The following EFCAB5 variants were observed in gnomAD, a reference collection of about 807,000 sequenced individuals.
The protein encoded by EFCAB5 is EF-hand calcium binding domain 5, also known as EF-hand calcium-binding domain-containing protein 5.
Under a neutral mutation model 167.9 loss-of-function variants are expected in EFCAB5, and 131 were observed. The observed-to-expected ratio is 0.78, with a 90% CI of 0.68 to 0.90. The LOEUF is 0.90. EFCAB5 is among the 40% of genes least tolerant of loss of function. EFCAB5 has a pLI of 0.00. For synonymous variants in EFCAB5, 574 were observed against 602.8 expected, an observed-to-expected ratio of 0.95 and a Z score of 0.70; for missense variants, 1,663 against 1,745.2, an observed-to-expected ratio of 0.95 and a Z score of 0.84.
chr17:30,048,176 T>G (rs1467540637), intron 8 of EFCAB5, among the ~76,000 whole-genome samples: 1 of 152,186 alleles, frequency 6.6e-6, no homozygotes, highest in African/African-American at 2.4e-5. Flanking sequence ...TCTGTGGACT[T>G]AGCTATGGTT....
chr17:30,083,070 C>T (rs1430646926), intron 18 of EFCAB5, 27 bp downstream of exon 18: 25 of 1,609,700 alleles, frequency 1.6e-5, no homozygotes, highest in Non-Finnish European at 2.0e-5. Context: ...AGTGGTAGAT[C>T]TCTCCAAGGT....
chr17:30,014,601 T>C (rs891963483), intron 7 of EFCAB5, among the ~76,000 whole-genome samples: 2 of 152,220 alleles, frequency 1.3e-5, no homozygotes, highest in Non-Finnish European at 2.9e-5. Flanking sequence ...AAGTCTGTTT[T>C]ATCAGAAAGT....
intron 14 of EFCAB5, chr17:30,073,713 T>A: frequency 1.4e-6 from 1 of 714,068 alleles, no homozygotes; most frequent in South Asian, 1.5e-5. Context: ...AAATTTTAAG[T>A]GTATATTTGC....
chr17:29,949,573 A>G (rs1292973506), intron 3 of EFCAB5, among the ~76,000 whole-genome samples: 1 of 152,252 alleles, frequency 6.6e-6, no homozygotes, highest in Non-Finnish European at 1.5e-5. Context: ...CTGCTAAAAA[A>G]TCCAGTACAT....
At chr17:29,983,175 CT>C (rs1469517952) in intron 4 of EFCAB5, among the ~76,000 whole-genome samples, 2 of 152,198 alleles carry the variant, frequency 1.3e-5, no homozygotes, top group African/African-American at 2.4e-5. Flanking sequence ...AATGATATCC[CT>C]TTACTTTCAG....
intron 3 of EFCAB5, among the ~76,000 whole-genome samples, chr17:29,944,076 T>G (rs1380594012): frequency 6.6e-6 from 1 of 152,164 alleles, no homozygotes; most frequent in Non-Finnish European, 1.5e-5. Context: ...AGGGGATATT[T>G]TATTTTATTT....
At chr17:30,090,232 A>C in intron 19 of EFCAB5, 189 bp from the exon 20 acceptor site, 1 of 722,840 alleles carries the variant, frequency 1.4e-6, no homozygotes, top group Admixed American at 3.2e-5. Context: ...GTTTGAGCAG[A>C]GACATGAGTG....
chr17:30,081,207 T>C (rs1355916005), intron 17 of EFCAB5, among the ~76,000 whole-genome samples: 4 of 152,196 alleles, frequency 2.6e-5, no homozygotes, highest in South Asian at 2.1e-4. Flanking sequence ...GCCTCATGTG[T>C]CCCATAGCAT....
intron 4 of EFCAB5, among the ~76,000 whole-genome samples, chr17:29,983,739 C>T (rs968462824): frequency 6.6e-6 from 1 of 151,994 alleles, no homozygotes; most frequent in South Asian, 2.1e-4. Flanking sequence ...TTATTAATTC[C>T]CTGAATGGGT....
chr17:30,054,698 A>G (rs1481012552), intron 10 of EFCAB5, among the ~76,000 whole-genome samples: 1 of 152,200 alleles, frequency 6.6e-6, no homozygotes, highest in Admixed American at 6.5e-5. Flanking sequence ...ACCACAATCA[A>G]CCACAGTCAG....
chr17:30,097,391 G>A (rs988585895), intron 22 of EFCAB5, among the ~76,000 whole-genome samples: 1 of 152,110 alleles, frequency 6.6e-6, no homozygotes, highest in African/African-American at 2.4e-5. Context: ...AGGTCACATA[G>A]AACTAAAAGC....
At chr17:29,968,333 C>T (rs9910805) in intron 3 of EFCAB5, 24,342 of 453,998 alleles carry the variant, frequency 0.054, 1,997 homozygotes, top group African/African-American at 0.27. Context: ...AGCGATTGGT[C>T]TGGGCGTGGG....
chr17:29,930,067 G>A (rs2067159860), intron 1 of EFCAB5: 1 of 1,414,548 alleles, frequency 7.1e-7, no homozygotes, highest in Non-Finnish European at 9.7e-7. Flanking sequence ...GGAGGGTGAC[G>A]GAGCCGGGAT....
chr17:30,026,296 T>A (rs939081019), intron 7 of EFCAB5, among the ~76,000 whole-genome samples: 32 of 152,244 alleles, frequency 2.1e-4, no homozygotes, highest in African/African-American at 7.5e-4. Context: ...GAGTTCCCTA[T>A]ACAAGTTTGA....
chr17:29,945,913 G>C (rs2067388172), intron 3 of EFCAB5, among the ~76,000 whole-genome samples: 1 of 152,032 alleles, frequency 6.6e-6, no homozygotes, highest in Non-Finnish European at 1.5e-5. Flanking sequence ...AAACTCTTTT[G>C]GACATTGGCT....
At chr17:30,013,382 A>G (rs2068953631) in intron 7 of EFCAB5, among the ~76,000 whole-genome samples, 1 of 152,192 alleles carries the variant, frequency 6.6e-6, no homozygotes, top group Admixed American at 6.5e-5. Flanking sequence ...GAATGGTACC[A>G]GCTCCTCTTT....
chr17:29,972,022 T>C (rs527581887), intron 4 of EFCAB5, among the ~76,000 whole-genome samples: 21 of 152,150 alleles, frequency 1.4e-4, no homozygotes, highest in South Asian at 2.1e-4. Context: ...ACATTACCCC[T>C]TTAGTCTTTG....
At chr17:30,086,558 C>T (rs2071091899) in intron 18 of EFCAB5, among the ~76,000 whole-genome samples, 1 of 150,250 alleles carries the variant, frequency 6.7e-6, no homozygotes. Context: ...CCAGCCTGGC[C>T]AACATGGTTA....
At chr17:30,069,970 G>T (rs1157783199) in intron 14 of EFCAB5, among the ~76,000 whole-genome samples, 2 of 152,184 alleles carry the variant, frequency 1.3e-5, no homozygotes, top group Non-Finnish European at 2.9e-5. Context: ...TTGGCAGGGG[G>T]GGCTGCTCCA....
Sources: allele counts gnomAD v4.1 joint callset (sites outside exome capture counted in the v4.1 genomes callset), GRCh38; gene constraint gnomAD v4.1.1; transcripts MANE v1.5; gene names NCBI Gene and HGNC (gene_info 2026-07-23, HGNC 2026-07-21).